Variants in SUSD1 observed in about 807,000 individuals in gnomAD.
SUSD1 encodes the protein sushi domain containing 1.
In SUSD1, 65 loss-of-function variants were observed where a neutral mutation model predicts 86.9. That is an observed-to-expected ratio of 0.75 (90% CI 0.61 to 0.92). The LOEUF is 0.92. Ranked by LOEUF, SUSD1 falls within the 40% of genes least tolerant of loss-of-function variation. SUSD1 has a pLI of 0.00. For synonymous variants in SUSD1, 346 were observed against 350.0 expected (o/e 0.99, Z 0.13); for missense variants, 850 against 929.7 (o/e 0.91, Z 1.11).
At chr9:112,072,581 G>A (rs1156621839) in intron 12 of SUSD1, among the ~76,000 whole-genome samples, 1 of 152,060 alleles carries the variant, frequency 6.6e-6, no homozygotes, top group Non-Finnish European at 1.5e-5. Flanking sequence ...ACCTTCTCAT[G>A]CACGTTTTAT....
chr9:112,135,630 A>G (rs1196894383), intron 5 of SUSD1, among the ~76,000 whole-genome samples: 3 of 152,252 alleles, frequency 2.0e-5, no homozygotes, highest in Non-Finnish European at 4.4e-5. Context: ...AGAATGTCTG[A>G]ATGGAAAATA....
chr9:112,117,427 C>T (rs1361080961), intron 6 of SUSD1, among the ~76,000 whole-genome samples: 2 of 152,172 alleles, frequency 1.3e-5, no homozygotes, highest in African/African-American at 4.8e-5. Flanking sequence ...AGGAGGCCCC[C>T]ACAGTGTCCA....
At chr9:112,098,254 CT>C (rs1830481007) in intron 10 of SUSD1, among the ~76,000 whole-genome samples, 1 of 152,170 alleles carries the variant, frequency 6.6e-6, no homozygotes, top group African/African-American at 2.4e-5. Flanking sequence ...TCAGTCTATC[CT>C]TGGTCTGTGC....
intron 12 of SUSD1, 37 bp from the exon 13 acceptor site, chr9:112,063,070 T>C (rs764233405): frequency 1.5e-6 from 2 of 1,347,194 alleles, no homozygotes; most frequent in African/African-American, 2.9e-5. Context: ...GGGGTATGAT[T>C]GGAACAAGTA....
chr9:112,058,716 G>T, intron 13 of SUSD1, 30 bp from the exon 14 acceptor site: 2 of 1,610,454 alleles, frequency 1.2e-6, no homozygotes, highest in South Asian at 2.2e-5. Context: ...GTGTCCATCA[G>T]ACCCTTGCAT....
chr9:112,150,631 T>C (rs1020847429), intron 2 of SUSD1, among the ~76,000 whole-genome samples: 2 of 152,206 alleles, frequency 1.3e-5, no homozygotes, highest in African/African-American at 4.8e-5. Context: ...CAAACCTAAA[T>C]GGCATAGCCA....
At chr9:112,089,010 G>A (rs570456213) in intron 10 of SUSD1, among the ~76,000 whole-genome samples, 1 of 152,306 alleles carries the variant, frequency 6.6e-6, no homozygotes, top group Admixed American at 6.5e-5. Context: ...AGGAGGCTGA[G>A]ACAAAAGGAT....
intron 2 of SUSD1, among the ~76,000 whole-genome samples, chr9:112,156,958 C>CA (rs1025027814): frequency 5.3e-5 from 8 of 151,980 alleles, no homozygotes; most frequent in Non-Finnish European, 1.2e-4. Flanking sequence ...TATCATGAGG[C>CA]AAAAAATAGT....
At chr9:112,104,296 G>T (rs1208566064) in intron 8 of SUSD1, among the ~76,000 whole-genome samples, 2 of 151,802 alleles carry the variant, frequency 1.3e-5, no homozygotes, top group Non-Finnish European at 2.9e-5. Context: ...GGGATTACAG[G>T]CATGAACCAC....
At chr9:112,099,450 A>C (rs1373390485) in intron 9 of SUSD1, among the ~76,000 whole-genome samples, 1 of 152,146 alleles carries the variant, frequency 6.6e-6, no homozygotes, top group Non-Finnish European at 1.5e-5. Context: ...GAAAAAAAAA[A>C]CAAAAACATA....
chr9:112,095,541 C>G (rs1055567522), intron 10 of SUSD1, among the ~76,000 whole-genome samples: 2 of 152,170 alleles, frequency 1.3e-5, no homozygotes, highest in Non-Finnish European at 2.9e-5. Flanking sequence ...TTTCCTGGAC[C>G]TCATCAGACC....
At chr9:112,154,331 C>CAAAAAAAAAAAAAAA (rs1256311336) in intron 2 of SUSD1, among the ~76,000 whole-genome samples, 1 of 110,606 alleles carries the variant, frequency 9.0e-6, no homozygotes. Flanking sequence ...TCCACACACA[C>CAAAAAAAAAAAAAAA]ACACAAAAAA....
chr9:112,082,424 G>A (rs928699747), intron 10 of SUSD1, among the ~76,000 whole-genome samples: 2 of 152,158 alleles, frequency 1.3e-5, no homozygotes, highest in Non-Finnish European at 2.9e-5. Context: ...AGCTCAATGT[G>A]ATTACAAACA....
chr9:112,129,719 T>C (rs1831933378), intron 5 of SUSD1, among the ~76,000 whole-genome samples: 1 of 152,214 alleles, frequency 6.6e-6, no homozygotes, highest in Non-Finnish European at 1.5e-5. Context: ...CCCGAATATA[T>C]GGACAGTTCC....
chr9:112,119,550 G>A (rs933910929), intron 6 of SUSD1, among the ~76,000 whole-genome samples: 4 of 152,214 alleles, frequency 2.6e-5, no homozygotes, highest in Non-Finnish European at 5.9e-5. Flanking sequence ...CCTTCTGAGA[G>A]CGTGGAGTGA....
At chr9:112,157,965 A>G (rs1405211201) in intron 1 of SUSD1, among the ~76,000 whole-genome samples, 1 of 151,678 alleles carries the variant, frequency 6.6e-6, no homozygotes, top group African/African-American at 2.4e-5. Context: ...CTGGGACTAT[A>G]GGCACACATC....
intron 3 of SUSD1, among the ~76,000 whole-genome samples, chr9:112,145,278 CTTTT>C (rs1262953487): frequency 2.5e-4 from 27 of 107,436 alleles, no homozygotes; most frequent in African/African-American, 4.1e-4. Context: ...CCATAATTTC[CTTTT>C]TTTTTTTTTT....
intron 10 of SUSD1, among the ~76,000 whole-genome samples, chr9:112,084,461 C>T (rs1829893348): frequency 6.6e-6 from 1 of 152,164 alleles, no homozygotes; most frequent in Non-Finnish European, 1.5e-5. Context: ...TACACACACA[C>T]ATATGCTCAA....
intron 8 of SUSD1, among the ~76,000 whole-genome samples, chr9:112,108,852 A>G (rs1830967363): frequency 1.3e-5 from 2 of 151,644 alleles, no homozygotes; most frequent in South Asian, 4.1e-4. Flanking sequence ...AGAAGGAAAA[A>G]TAAAAACAAG....
Sources: gnomAD v4.1 joint callset for allele counts (sites outside exome capture counted in the v4.1 genomes callset) on GRCh38, gnomAD v4.1.1 for gene constraint, MANE v1.5 for transcripts, NCBI Gene and HGNC (gene_info 2026-07-23, HGNC 2026-07-21) for gene names.